Variants in LRRIQ1 observed in about 807,000 individuals in gnomAD.
LRRIQ1 encodes the protein leucine rich repeats and IQ motif containing 1.
LRRIQ1 carries 210 observed loss-of-function variants against 211.9 expected under a neutral mutation model. That is an observed-to-expected ratio of 0.99 (90% CI 0.89 to 1.11). The LOEUF is 1.11. Ranked by LOEUF, LRRIQ1 falls within the 50% of genes most tolerant of loss-of-function variation. The probability of loss-of-function intolerance (pLI) is 0.00; values close to 1 mark genes in which losing one functional copy is unlikely to be tolerated. For synonymous variants in LRRIQ1, 699 were observed against 650.1 expected, an observed-to-expected ratio of 1.08 and a Z score of -1.14; for missense variants, 2,136 against 1,939.5, an observed-to-expected ratio of 1.10 and a Z score of -1.90.
intron 24 of LRRIQ1, among the ~76,000 whole-genome samples, chr12:85,200,818 A>G (rs1893250895): frequency 6.7e-6 from 1 of 148,908 alleles, no homozygotes; most frequent in Non-Finnish European, 1.5e-5. Context: ...ATGGCTTAGC[A>G]TTTTTTTTTC....
chr12:85,202,549 C>G (rs547572029), intron 24 of LRRIQ1, among the ~76,000 whole-genome samples: 8 of 152,192 alleles, frequency 5.3e-5, no homozygotes, highest in African/African-American at 1.9e-4. Context: ...CCTTCTTTAT[C>G]CTTCTTGGTC....
At chr12:85,171,712 C>G (rs1171523855) in intron 24 of LRRIQ1, among the ~76,000 whole-genome samples, 1 of 152,060 alleles carries the variant, frequency 6.6e-6, no homozygotes, top group Non-Finnish European at 1.5e-5. Context: ...GAAGGTTGGG[C>G]CCATAATCCA....
chr12:85,233,802 A>G (rs1447972751), intron 26 of LRRIQ1, among the ~76,000 whole-genome samples: 1 of 152,200 alleles, frequency 6.6e-6, no homozygotes, highest in East Asian at 1.9e-4. Flanking sequence ...TAGATTATCC[A>G]AGGAAAATTG....
intron 14 of LRRIQ1, 23 bp downstream of exon 14, chr12:85,104,100 A>G (rs1377075878): frequency 1.6e-6 from 2 of 1,220,886 alleles, no homozygotes; most frequent in Admixed American, 2.8e-5. Flanking sequence ...TAATATATAT[A>G]TTTTAATAAT....
chr12:85,252,486 A>G (rs950213052), intron 1 of LRRIQ1, among the ~76,000 whole-genome samples: 2 of 151,980 alleles, frequency 1.3e-5, no homozygotes, highest in African/African-American at 4.8e-5. Context: ...AAGTGTATGA[A>G]GTTTTTATAC....
intron 11 of LRRIQ1, among the ~76,000 whole-genome samples, chr12:85,086,731 G>A (rs1311470095): frequency 6.6e-6 from 1 of 151,782 alleles, no homozygotes; most frequent in South Asian, 2.1e-4. Context: ...CAGGGAGGTG[G>A]TGCCACTTCA....
At chr12:85,168,119 T>G (rs1487441064) in intron 24 of LRRIQ1, among the ~76,000 whole-genome samples, 1 of 152,198 alleles carries the variant, frequency 6.6e-6, no homozygotes, top group Non-Finnish European at 1.5e-5. Context: ...TCCTACCTTC[T>G]TCTAATACCC....
chr12:85,247,006 G>C (rs1357323960), downstream of LRRIQ1, among the ~76,000 whole-genome samples: 4 of 151,466 alleles, frequency 2.6e-5, no homozygotes, highest in South Asian at 6.2e-4. Flanking sequence ...ATACGAGTTA[G>C]AACACAAACT....
At chr12:85,266,633 G>A (rs1262365725), downstream of LRRIQ1, among the ~76,000 whole-genome samples, 6 of 152,108 alleles carry the variant, frequency 3.9e-5, no homozygotes, top group African/African-American at 1.4e-4. Context: ...CTCTCTAGTG[G>A]ATCTGGAATA....
chr12:85,047,671 A>G (rs901789212), intron 6 of LRRIQ1: 6 of 481,702 alleles, frequency 1.2e-5, no homozygotes, highest in Non-Finnish European at 2.2e-5. Context: ...GGAAGGTCAG[A>G]CACACTTCTG....
At position 85,194,764 on chromosome 12, in the gene LRRIQ1, T is replaced by A. The variant is rs1449191383; in HGVS notation, c.4822+34050T>A. 2.0e-5 allele frequency among the ~76,000 whole-genome samples: 3 copies of A among 151,858 alleles called. No individual in the cohort carries two copies. In the East Asian group the frequency reaches 5.8e-4, roughly 29 times the overall value. On this transcript the variant is annotated intron_variant, in intron 24 of 26. Coordinates refer to ENST00000393217, the MANE Select transcript of LRRIQ1 (RefSeq NM_001079910.2). ...ACCCTAACATCACAATTGAAAGAAC[T>A]AGAAAAGCAAGAGCAAACACATTCA...
intron 24 of LRRIQ1, among the ~76,000 whole-genome samples, chr12:85,195,029 A>G (rs1892819363): frequency 6.6e-6 from 1 of 152,216 alleles, no homozygotes; most frequent in Admixed American, 6.5e-5. Context: ...ACTACATCAG[A>G]GAATACTACA....
At chr12:85,155,504 C>G (rs1890494892) in intron 23 of LRRIQ1, among the ~76,000 whole-genome samples, 1 of 151,454 alleles carries the variant, frequency 6.6e-6, no homozygotes. Flanking sequence ...GCTTTGATGT[C>G]TATTTCTACC....
chr12:85,150,168 C>T (rs1240908027), intron 19 of LRRIQ1, among the ~76,000 whole-genome samples: 1 of 151,752 alleles, frequency 6.6e-6, no homozygotes, highest in Non-Finnish European at 1.5e-5. Context: ...ACTTGCCTGA[C>T]AGTGCTGGTC....
intron 3 of LRRIQ1, among the ~76,000 whole-genome samples, chr12:85,042,877 C>T (rs778925889): frequency 6.6e-6 from 1 of 151,974 alleles, no homozygotes; most frequent in African/African-American, 2.4e-5. Context: ...CAAAATTGTA[C>T]AAGCATAGCA....
At chr12:85,211,255 A>T (rs1893822287) in intron 24 of LRRIQ1, among the ~76,000 whole-genome samples, 2 of 152,208 alleles carry the variant, frequency 1.3e-5, no homozygotes, top group Admixed American at 1.3e-4. Context: ...GGAATTATAG[A>T]ACGAATCATT....
chr12:85,056,874 G>T lies in LRRIQ1; in HGVS notation c.2081G>T (p.Ser694Ile). Residue 694 changes from serine to isoleucine, a missense_variant, in exon 8 of 27, where the codon AGC becomes ATC. By Grantham distance (142) the Ser-to-Ile change is moderately radical. Coordinates refer to ENST00000393217, the MANE Select transcript of LRRIQ1 (RefSeq NM_001079910.2). ...CEGLSNYNAE[S>I]SMVSKEVNSL... ...GGCTTGAGTAACTATAATGCAGAAA[G>T]CTCCATGGTATCTAAAGAAGTCAAC... 5 of 1,613,368 alleles carry T rather than the reference G, an allele frequency of 3.1e-6. No individual in the cohort carries two copies. Among genetic ancestry groups the T allele is most frequent in the Non-Finnish European group, 3.4e-6 (4 of 1,179,616 alleles).
chr12:85,152,201 A>G (rs1178432336), intron 19 of LRRIQ1, 79 bp from the exon 20 acceptor site: 1 of 1,136,512 alleles, frequency 8.8e-7, no homozygotes, highest in East Asian at 2.5e-5. Flanking sequence ...CAACATTTGT[A>G]GTCTATAAGA....
chr12:85,176,653 TAGTG>T (rs1396660613), intron 24 of LRRIQ1, among the ~76,000 whole-genome samples: 1 of 147,100 alleles, frequency 6.8e-6, no homozygotes, highest in Non-Finnish European at 1.5e-5. Flanking sequence ...GATGACGAGT[TAGTG>T]GGTGCAGTGC....
Sources: allele counts gnomAD v4.1 joint callset (sites outside exome capture counted in the v4.1 genomes callset), GRCh38; gene constraint gnomAD v4.1.1; transcripts MANE v1.5; gene names NCBI Gene and HGNC (gene_info 2026-07-23, HGNC 2026-07-21).